The following C10orf95 variants were observed in gnomAD, a reference collection of about 807,000 sequenced individuals.
The protein encoded by C10orf95 is chromosome 10 open reading frame 95, also known as uncharacterized protein C10orf95.
For missense variants in C10orf95, 412 were observed against 327.4 expected, an observed-to-expected ratio of 1.26 and a Z score of -1.99; for synonymous variants, 188 against 160.4, an observed-to-expected ratio of 1.17 and a Z score of -1.30.
rs1024328929 is a variant in C10orf95 at position 102,450,532 on chromosome 10, G to C, written c.562C>G (p.Arg188Gly). Reference protein sequence around the residue: ...DHRVEWRVRRRPDSGDSSPAR... With the variant: ...DHRVEWRVRRGPDSGDSSPAR... ...GGGCTGCTGTCGCCGCTGTCGGGCC[G>C]GCGCCGCACGCGCCACTCCACGCGG... Residue 188 changes from arginine (R) to glycine (G), a missense_variant, in exon 2 of 2, where the codon CGG (arginine) becomes GGG (glycine). Transcript: ENST00000625129. 7 of 1,372,722 alleles carry C rather than the reference G, an allele frequency of 5.1e-6. No homozygotes were observed. In the African/African-American group the frequency reaches 9.2e-5, roughly 18 times the overall value. 85.0% of individuals were successfully genotyped at this position (1,372,722 alleles called of 1,614,324 possible).
rs946331724 is a variant in C10orf95 at position 102,450,133 on chromosome 10, A to C, written c.*319T>G. 13 of 436,276 alleles carry C rather than the reference A, an allele frequency of 3.0e-5. No homozygotes were observed. The highest frequency in any genetic ancestry group is 5.7e-5 in the Non-Finnish European group (13 of 227,258). The allele number at this position is 436,276 out of a possible 1,614,324, so 27.0% of individuals were successfully genotyped here. A position where few individuals can be genotyped will look rare whatever the true frequency, so the allele number is the denominator to read the frequency against. On this transcript the variant is annotated 3_prime_UTR_variant, in exon 2 of 2. Transcript: ENST00000625129. ...AGCTCCTTAGGAGAAGGTGGGGAGG[A>C]GGAAGGAGGGAGGTCCAGGCCCTTC...
At position 102,451,445 on chromosome 10, in the gene C10orf95, T is replaced by C. The variant is rs749069089; in HGVS notation, c.-114A>G. The stretch of plus-strand genomic sequence containing the variant: ...CAGAGCGGGGCTCCTCTCCGCACTT[T>C]GTAGCTGCGTTGCTCCGCTCCATGC... On this transcript the variant is annotated 5_prime_UTR_variant, in exon 1 of 2. Coordinates refer to ENST00000625129, the MANE Select transcript of C10orf95 (RefSeq NM_001363580.1). 2.8e-6 allele frequency: 4 copies of C among 1,442,734 alleles called. No individual in the cohort carries two copies. The highest frequency in any genetic ancestry group is 2.3e-5 in the South Asian group (2 of 88,776). 89.4% of individuals were successfully genotyped at this position (1,442,734 alleles called of 1,614,324 possible). A position where few individuals can be genotyped will look rare whatever the true frequency, so the allele number is the denominator to read the frequency against.
At position 102,450,698 on chromosome 10, in the gene C10orf95, GC is replaced by G. The variant is rs1384655901; in HGVS notation, c.395del (p.Gly132AlafsTer81). The stretch of plus-strand genomic sequence containing the variant: ...CGAAGTCCGGTAGCTGCAGAGGGGG[GC>G]CCCGCGCGCGCTCCACGCGGCCCCA... ...LRWGRVERAR[G>X]PPLQLPDFVR... is the part of the protein sequence containing the mutation. On this transcript the variant is annotated frameshift_variant, in exon 2 of 2. Transcript: ENST00000625129. LOFTEE classifies it low-confidence loss of function (END_TRUNC). 1 of 1,253,322 alleles carries G rather than the reference GC, an allele frequency of 8.0e-7. No individual in the cohort carries two copies. Among genetic ancestry groups the G allele is most frequent in the Non-Finnish European group, 1.0e-6 (1 of 998,714 alleles). The allele number at this position is 1,253,322 out of a possible 1,614,324, so 77.6% of individuals were successfully genotyped here. A position where few individuals can be genotyped will look rare whatever the true frequency, so the allele number is the denominator to read the frequency against.
chr10:102,450,994 G>A lies in C10orf95; in HGVS notation c.100C>T (p.Pro34Ser). 7.6e-7 allele frequency: 1 copy of A among 1,315,464 alleles called. No homozygotes were observed. The highest frequency in any genetic ancestry group is 9.7e-7 in the Non-Finnish European group (1 of 1,031,364). 81.5% of individuals were successfully genotyped at this position (1,315,464 alleles called of 1,614,324 possible). A position where few individuals can be genotyped will look rare whatever the true frequency, so the allele number is the denominator to read the frequency against. Reference protein sequence around the residue: ...TYLAAPLLLPPVQAHSFRSRP... With the variant: ...TYLAAPLLLPSVQAHSFRSRP... ...CTGCGGAAGCTGTGGGCCTGGACTG[G>A]GGGTAGCAGCAGAGGGGCGGCCAGG... is the stretch of plus-strand genomic sequence containing the variant. The change falls in exon 2 of 2, where the codon CCA (proline) becomes TCA (serine). Residue 34 changes from proline (P) to serine (S), a missense_variant. Physicochemically the swap from Pro to Ser is moderately conservative, Grantham distance 74. Transcript: ENST00000625129.
Position 102,450,965 on chromosome 10 carries a change from C to G in C10orf95, c.129G>C (p.Arg43=), listed in dbSNP as rs551745793. The change falls in exon 2 of 2, where the codon CGG becomes CGC. Residue 43 remains arginine, a synonymous_variant. Transcript: ENST00000625129. ...ACTCGCCCGCATGCAGGCTCCCGGG[C>G]CGGCTGCGGAAGCTGTGGGCCTGGA... The part of the protein sequence containing the change: ...PPVQAHSFRS[R]PGSLHAGEWA... 8.5e-6 allele frequency: 11 copies of G among 1,287,496 alleles called. No homozygotes were observed. In the Admixed American group the frequency reaches 3.6e-4, roughly 42 times the overall value. 79.8% of individuals were successfully genotyped at this position (1,287,496 alleles called of 1,614,324 possible).
intron 1 of C10orf95, 113 bp downstream of exon 1, chr10:102,451,273 C>G: frequency 7.0e-7 from 1 of 1,424,918 alleles, no homozygotes; most frequent in South Asian, 1.5e-5. Context: ...ACATTCAGCT[C>G]CCCGCCTAGC....
rs1427743931 is a variant in C10orf95, at chr10:102,450,556, G to T, written c.538C>A (p.Arg180Ser). 4 of 1,350,876 alleles carry T rather than the reference G, an allele frequency of 3.0e-6. No homozygotes were observed. Among genetic ancestry groups the T allele is most frequent in the Non-Finnish European group, 3.8e-6 (4 of 1,057,888 alleles). The allele number at this position is 1,350,876 out of a possible 1,614,324, so 83.7% of individuals were successfully genotyped here. The change falls in exon 2 of 2, where the codon CGC (arginine) becomes AGC (serine). Residue 180 changes from arginine to serine, a missense_variant. Arg to Ser is a moderately radical substitution (Grantham distance 110). Transcript: ENST00000625129. ...ATPRVLEPDH[R>S]VEWRVRRRPD... Reference sequence around the variant, plus strand: ...CGGCGCCGCACGCGCCACTCCACGCGGTGGTCGGGCTCGAGCACGCGCGGC... The same window carrying T: ...CGGCGCCGCACGCGCCACTCCACGCTGTGGTCGGGCTCGAGCACGCGCGGC...
In C10orf95 at chr10:102,450,594, A is replaced by G; in HGVS notation, c.500T>C (p.Leu167Pro). 7.9e-7 allele frequency: 1 copy of G among 1,271,666 alleles called. No homozygotes were observed. The highest frequency in any genetic ancestry group is 9.9e-7 in the Non-Finnish European group (1 of 1,013,192). The allele number at this position is 1,271,666 out of a possible 1,614,324, so 78.8% of individuals were successfully genotyped here. Residue 167 changes from leucine (L) to proline (P), a missense_variant, in exon 2 of 2, where the codon CTG becomes CCG. Coordinates refer to ENST00000625129, the MANE Select transcript of C10orf95 (RefSeq NM_001363580.1). ...VRVTQRRGQFLLQATPRVLEP... is the reference protein window; with the variant it reads ...VRVTQRRGQFPLQATPRVLEP... The stretch of plus-strand genomic sequence containing the variant: ...GAGCACGCGCGGCGTCGCCTGCAGC[A>G]GGAACTGGCCGCGGCGCTGGGTGAC...
Position 102,450,584 on chromosome 10 carries a change from C to T in C10orf95, c.510G>A (p.Ala170=). The stretch of plus-strand genomic sequence containing the variant: ...GGTCGGGCTCGAGCACGCGCGGCGT[C>T]GCCTGCAGCAGGAACTGGCCGCGGC... ...TQRRGQFLLQ[A]TPRVLEPDHR... Residue 170 remains alanine, a synonymous_variant, in exon 2 of 2, where the codon GCG becomes GCA. Coordinates refer to ENST00000625129, the MANE Select transcript of C10orf95 (RefSeq NM_001363580.1). The T allele has an allele frequency of 1.6e-6, 2 of 1,278,140 alleles. No homozygotes were observed. Among genetic ancestry groups the T allele is most frequent in the Non-Finnish European group, 9.8e-7 (1 of 1,016,712 alleles). 79.2% of individuals were successfully genotyped at this position (1,278,140 alleles called of 1,614,324 possible).
rs189174307 is a variant in C10orf95 at position 102,450,986 on chromosome 10, C to T, written c.108G>A (p.Gln36=). Residue 36 remains glutamine, a synonymous_variant, in exon 2 of 2, where the codon CAG becomes CAA. Coordinates refer to ENST00000625129, the MANE Select transcript of C10orf95 (RefSeq NM_001363580.1). ...CGGGCCGGCTGCGGAAGCTGTGGGC[C>T]TGGACTGGGGGTAGCAGCAGAGGGG... The part of the protein sequence containing the change: ...LAAPLLLPPV[Q]AHSFRSRPGS... The T allele has an allele frequency of 2.1e-5, 27 of 1,305,832 alleles. No individual in the cohort carries two copies. In the East Asian group the frequency reaches 3.9e-4, roughly 19 times the overall value. The allele number at this position is 1,305,832 out of a possible 1,614,324, so 80.9% of individuals were successfully genotyped here.
Position 102,450,854 on chromosome 10 carries a change from G to C in C10orf95, c.240C>G (p.Ala80=), listed in dbSNP as rs773785584. 8.9e-6 allele frequency: 11 copies of C among 1,235,634 alleles called. No individual in the cohort carries two copies. The South Asian group carries it at 3.1e-4, about 35-fold the overall frequency. 76.5% of individuals were successfully genotyped at this position (1,235,634 alleles called of 1,614,324 possible). The change falls in exon 2 of 2, where the codon GCC becomes GCG. Residue 80 remains alanine, a synonymous_variant. Coordinates refer to ENST00000625129, the MANE Select transcript of C10orf95 (RefSeq NM_001363580.1). ...AAPPWWACPP[A]YATTLRRPCA... The stretch of plus-strand genomic sequence containing the variant: ...AGGGCCGGCGCAGGGTCGTGGCGTA[G>C]GCCGGAGGGCAGGCCCACCAGGGCG...
At position 102,450,805 on chromosome 10, in the gene C10orf95, G is replaced by A; in HGVS notation, c.289C>T (p.Leu97=). The change falls in exon 2 of 2, where the codon CTG becomes TTG. Residue 97 remains leucine, a synonymous_variant. Coordinates refer to ENST00000625129, the MANE Select transcript of C10orf95 (RefSeq NM_001363580.1). ...RPCAAAGISG[L]SLQAPAAVAE... is the part of the protein sequence containing the mutation. The stretch of plus-strand genomic sequence containing the variant: ...ACCGCCGCGGGCGCCTGCAGCGACA[G>A]TCCCGAGATGCCGGCGGCGGCGCAG... The A allele has an allele frequency of 8.0e-7, 1 of 1,255,250 alleles. No homozygotes were observed. The highest frequency in any genetic ancestry group is 9.9e-7 in the Non-Finnish European group (1 of 1,005,334). The allele number at this position is 1,255,250 out of a possible 1,614,324, so 77.8% of individuals were successfully genotyped here.
chr10:102,450,698 G>A lies in C10orf95; in HGVS notation c.396C>T (p.Gly132=), dbSNP rs974414601. 4.0e-6 allele frequency: 5 copies of A among 1,253,342 alleles called. No individual in the cohort carries two copies. Among genetic ancestry groups the A allele is most frequent in the South Asian group, 5.4e-5 (2 of 37,184 alleles). 77.6% of individuals were successfully genotyped at this position (1,253,342 alleles called of 1,614,324 possible). Residue 132 remains glycine (G), a synonymous_variant, in exon 2 of 2, where the codon GGC becomes GGT. Transcript: ENST00000625129. ...LRWGRVERAR[G]PPLQLPDFVR... is the part of the protein sequence containing the mutation. ...CGAAGTCCGGTAGCTGCAGAGGGGG[G>A]CCCCGCGCGCGCTCCACGCGGCCCC...
In C10orf95 at chr10:102,450,311, G is replaced by T; in HGVS notation, c.*141C>A. 1 of 928,162 alleles carries T rather than the reference G, an allele frequency of 1.1e-6. No individual in the cohort carries two copies. The highest frequency in any genetic ancestry group is 1.7e-6 in the Non-Finnish European group (1 of 596,460). The allele number at this position is 928,162 out of a possible 1,614,324, so 57.5% of individuals were successfully genotyped here. A position where few individuals can be genotyped will look rare whatever the true frequency, so the allele number is the denominator to read the frequency against. Reference sequence around the variant, plus strand: ...GTGCAGGAAACTGGCCGGCAGTCATGGGAGAAGCCAAAAAGACAGGTGAGC... The same window carrying T: ...GTGCAGGAAACTGGCCGGCAGTCATTGGAGAAGCCAAAAAGACAGGTGAGC... On this transcript the variant is annotated 3_prime_UTR_variant, in exon 2 of 2. Transcript: ENST00000625129.
Position 102,450,367 on chromosome 10 carries a change from G to T in C10orf95, c.*85C>A. On this transcript the variant is annotated 3_prime_UTR_variant, in exon 2 of 2. Coordinates refer to ENST00000625129, the MANE Select transcript of C10orf95 (RefSeq NM_001363580.1). The stretch of plus-strand genomic sequence containing the variant: ...GTCCGCCTCCCGCGCACAGGTGAGG[G>T]CTCACTTCTGCCTGTCGGCGGCGGC... 1 of 1,398,808 alleles carries T rather than the reference G, an allele frequency of 7.1e-7. No homozygotes were observed. Among genetic ancestry groups the T allele is most frequent in the Non-Finnish European group, 9.7e-7 (1 of 1,026,244 alleles). 86.6% of individuals were successfully genotyped at this position (1,398,808 alleles called of 1,614,324 possible). A position where few individuals can be genotyped will look rare whatever the true frequency, so the allele number is the denominator to read the frequency against.
In C10orf95 at chr10:102,450,558, T is replaced by C; in HGVS notation, c.536A>G (p.His179Arg). 3.0e-6 allele frequency: 4 copies of C among 1,327,258 alleles called. No homozygotes were observed. The highest frequency in any genetic ancestry group is 3.8e-6 in the Non-Finnish European group (4 of 1,044,446). 82.2% of individuals were successfully genotyped at this position (1,327,258 alleles called of 1,614,324 possible). A position where few individuals can be genotyped will look rare whatever the true frequency, so the allele number is the denominator to read the frequency against. Residue 179 changes from histidine (H) to arginine (R), a missense_variant, in exon 2 of 2, where the codon CAC becomes CGC. Transcript: ENST00000625129. ...QATPRVLEPD[H>R]RVEWRVRRRP... ...GCGCCGCACGCGCCACTCCACGCGG[T>C]GGTCGGGCTCGAGCACGCGCGGCGT...
In C10orf95 at chr10:102,451,543, T is replaced by G; in HGVS notation, c.-212A>C. Reference sequence around the variant, plus strand: ...GAGCTGGCCAGGAGCTACCAGCGTCTGTCTACACCTGGGTGAGCCGTACTG... The same window carrying G: ...GAGCTGGCCAGGAGCTACCAGCGTCGGTCTACACCTGGGTGAGCCGTACTG... On this transcript the variant is annotated 5_prime_UTR_variant, in exon 1 of 2. Transcript: ENST00000625129. 7.8e-7 allele frequency: 1 copy of G among 1,275,674 alleles called. No homozygotes were observed. Among genetic ancestry groups the G allele is most frequent in the East Asian group, 5.3e-5 (1 of 18,890 alleles). The allele number at this position is 1,275,674 out of a possible 1,614,324, so 79.0% of individuals were successfully genotyped here.
Position 102,451,076 on chromosome 10 carries a change from C to T in C10orf95, c.18G>A (p.Trp6Ter), listed in dbSNP as rs1466380599. The change falls in exon 2 of 2, where the codon TGG becomes TGA. Residue 6 changes from tryptophan to a stop codon, truncating the protein, a stop_gained. Coordinates refer to ENST00000625129, the MANE Select transcript of C10orf95 (RefSeq NM_001363580.1). LOFTEE classifies it low-confidence loss of function (END_TRUNC). MYVYS[W>*]PPPKQGVWPP... ...GCCAGACGCCCTGTTTGGGCGGCGGCCAGCTGTACACATACATGGTCGGCC... is the reference window on the plus strand; with the variant it reads ...GCCAGACGCCCTGTTTGGGCGGCGGTCAGCTGTACACATACATGGTCGGCC... 3 of 1,361,782 alleles carry T rather than the reference C, an allele frequency of 2.2e-6. No individual in the cohort carries two copies. The highest frequency in any genetic ancestry group is 2.8e-6 in the Non-Finnish European group (3 of 1,056,100). The allele number at this position is 1,361,782 out of a possible 1,614,324, so 84.4% of individuals were successfully genotyped here.
rs1024693523 is a variant in C10orf95 at position 102,450,373 on chromosome 10, T to G, written c.*79A>C. On this transcript the variant is annotated 3_prime_UTR_variant, in exon 2 of 2. Coordinates refer to ENST00000625129, the MANE Select transcript of C10orf95 (RefSeq NM_001363580.1). ...CTCCCGCGCACAGGTGAGGGCTCAC[T>G]TCTGCCTGTCGGCGGCGGCACACAC... The G allele has an allele frequency of 7.6e-6, 11 of 1,449,972 alleles. No individual in the cohort carries two copies. Among genetic ancestry groups the G allele is most frequent in the Non-Finnish European group, 9.3e-6 (10 of 1,072,726 alleles). The allele number at this position is 1,449,972 out of a possible 1,614,324, so 89.8% of individuals were successfully genotyped here. A position where few individuals can be genotyped will look rare whatever the true frequency, so the allele number is the denominator to read the frequency against.
Sources: allele counts gnomAD v4.1 joint callset, GRCh38; gene constraint gnomAD v4.1.1; transcripts MANE v1.5; gene names NCBI Gene and HGNC (gene_info 2026-07-23, HGNC 2026-07-21).